SREBF1: variants seen among roughly 807,000 people sequenced by gnomAD.
SREBF1 encodes the protein sterol regulatory element-binding protein 1.
Under a neutral mutation model 100.1 loss-of-function variants are expected in SREBF1, and 45 were observed. The ratio of observed to expected loss-of-function variants is 0.45; its 90% confidence interval spans 0.35 to 0.58. SREBF1 has a LOEUF of 0.58. SREBF1 is among the 20% of genes least tolerant of loss of function. SREBF1 has a pLI of 0.00. For synonymous variants in SREBF1, 657 were observed against 681.8 expected, an observed-to-expected ratio of 0.96 and a Z score of 0.57; for missense variants, 1,324 against 1,539.4, an observed-to-expected ratio of 0.86 and a Z score of 2.34.
chr17:17,816,412 A>T, intron 10 of SREBF1, 39 bp from the exon 11 acceptor site: 1 of 1,599,884 alleles, frequency 6.3e-7, no homozygotes, highest in Non-Finnish European at 8.5e-7. Flanking sequence ...GGTGGAGCAC[A>T]GGCAGCAGGG....
chr17:17,815,518 G>C, intron 12 of SREBF1, 189 bp from the exon 13 acceptor site: 2 of 605,830 alleles, frequency 3.3e-6, no homozygotes, highest in Non-Finnish European at 5.9e-6. Context: ...CACCAGCCTT[G>C]GCCAGGAGAC....
In SREBF1 at chr17:17,815,882, C is replaced by G. The variant is rs150846293; in HGVS notation, c.2361G>C (p.Leu787=). Residue 787 remains leucine, a synonymous_variant, in exon 12 of 19, where the codon CTG becomes CTC. Transcript: ENST00000261646. ...CACCTGGGTTCCCGGCCAAGCTGTA[C>G]AGGCTCTCCCATGGGGTACTGAGCA... ...WSVLSTPWES[L]YSLAGNPVDP... is the part of the protein sequence containing the mutation. The G allele has an allele frequency of 1.1e-4, 175 of 1,612,884 alleles. No individual in the cohort carries two copies. In the African/African-American group the frequency reaches 2.1e-3, roughly 20 times the overall value.
Position 17,817,995 on chromosome 17 carries a change from T to A in SREBF1, c.1184-79A>T. On this transcript the variant is annotated intron_variant, in intron 6 of 18. Coordinates refer to ENST00000261646, the MANE Select transcript of SREBF1 (RefSeq NM_004176.5). This position sits in a 1 kb window ranked among gnomAD's most constrained non-coding sequence, Gnocchi z 6.6. ...ATCAGAGCCTAGGCCCTTGGAGGCC[T>A]AGGGACTACTGTAGCTCCTAAAGCT... The A allele has an allele frequency of 7.0e-7, 1 of 1,423,586 alleles. No homozygotes were observed. The highest frequency in any genetic ancestry group is 9.8e-7 in the Non-Finnish European group (1 of 1,020,700). 88.2% of individuals were successfully genotyped at this position (1,423,586 alleles called of 1,614,324 possible).
chr17:17,833,355 A>G (rs933360415), intron 1 of SREBF1, among the ~76,000 whole-genome samples: 1 of 136,342 alleles, frequency 7.3e-6, no homozygotes, highest in Non-Finnish European at 1.5e-5. Context: ...TGGGAGGCGG[A>G]GCTTGCAGTG....
Position 17,813,597 on chromosome 17 carries a change from G to A in SREBF1, c.3074C>T (p.Ala1025Val), listed in dbSNP as rs1195034213. 17 of 1,592,692 alleles carry A rather than the reference G, an allele frequency of 1.1e-5. No individual in the cohort carries two copies. The highest frequency in any genetic ancestry group is 1.4e-5 in the Non-Finnish European group (16 of 1,174,592). ...CCGCATGGCGGGCCGGAAGCTCTGT[G>A]CCAGCCGCCTCAGGCTGCTCAGGTC... ...QRDLSSLRRL[A>V]QSFRPAMRRV... Residue 1025 changes from alanine (A) to valine (V), a missense_variant, in exon 17 of 19, where the codon GCA (alanine) becomes GTA (valine). By Grantham distance (64) the Ala-to-Val change is moderately conservative (BLOSUM62 0). Coordinates refer to ENST00000261646, the MANE Select transcript of SREBF1 (RefSeq NM_004176.5).
intron 1 of SREBF1, among the ~76,000 whole-genome samples, chr17:17,823,053 T>C (rs2034212537): frequency 6.6e-6 from 1 of 152,168 alleles, no homozygotes; most frequent in Admixed American, 6.5e-5. Context: ...CTTCGATAGA[T>C]GGGGGAAACT....
chr17:17,812,632 G>C lies in SREBF1; in HGVS notation c.3434C>G (p.Thr1145Ser). 1 of 1,604,642 alleles carries C rather than the reference G, an allele frequency of 6.2e-7. No individual in the cohort carries two copies. The highest frequency in any genetic ancestry group is 1.1e-5 in the South Asian group (1 of 89,540). The change falls in exon 19 of 19, where the codon ACT becomes AGT. Residue 1145 changes from threonine to serine, a missense_variant. Thr to Ser is a moderately conservative substitution (Grantham distance 58, BLOSUM62 1). Coordinates refer to ENST00000261646, the MANE Select transcript of SREBF1 (RefSeq NM_004176.5). ...CCGGGGACACGGGGTCTAGCTGGAAGTGACAGTGGTCCCACCGCCCAGGCG... is the reference window on the plus strand; with the variant it reads ...CCGGGGACACGGGGTCTAGCTGGAACTGACAGTGGTCCCACCGCCCAGGCG... ...LMRLGGGTTV[T>S]SS
At chr17:17,821,788 G>A (rs1433465017) in intron 1 of SREBF1, among the ~76,000 whole-genome samples, 3 of 152,170 alleles carry the variant, frequency 2.0e-5, no homozygotes, top group Non-Finnish European at 4.4e-5. Flanking sequence ...CCAGATCAGA[G>A]CAGGGTCCTC....
chr17:17,813,843 C>T (rs1237836835), intron 16 of SREBF1, 74 bp from the exon 17 acceptor site: 2 of 1,435,434 alleles, frequency 1.4e-6, no homozygotes, highest in South Asian at 2.4e-5. Flanking sequence ...CCCGTGGTGC[C>T]AGGGGCCGGC....
At chr17:17,829,795 C>T (rs1022112061) in intron 1 of SREBF1, among the ~76,000 whole-genome samples, 1 of 152,136 alleles carries the variant, frequency 6.6e-6, no homozygotes, top group African/African-American at 2.4e-5. Context: ...GGACGACAGG[C>T]ACACTCCACC....
intron 13 of SREBF1, 30 bp downstream of exon 13, chr17:17,815,191 T>C (rs766298145): frequency 1.3e-6 from 2 of 1,597,218 alleles, no homozygotes; most frequent in South Asian, 1.1e-5. Flanking sequence ...CGGAGGGGCC[T>C]TGCCTGGAGG....
rs1415547528 is a variant in SREBF1, at chr17:17,813,440, C to T, written c.3142G>A (p.Ala1048Thr). 2 of 1,603,314 alleles carry T rather than the reference C, an allele frequency of 1.2e-6. No homozygotes were observed. The highest frequency in any genetic ancestry group is 1.7e-6 in the Non-Finnish European group (2 of 1,175,908). Residue 1048 changes from alanine (A) to threonine (T), a missense_variant, in exon 18 of 19, where the codon GCC becomes ACC. By Grantham distance (58) the Ala-to-Thr change is moderately conservative. Transcript: ENST00000261646. ...AGCTGGTGTGTCCGTGTGGGGCTGGCCCCCGCCATCAGCCGGGCCGTGGCC... is the reference window on the plus strand; with the variant it reads ...AGCTGGTGTGTCCGTGTGGGGCTGGTCCCCGCCATCAGCCGGGCCGTGGCC... Reference protein sequence around the residue: ...HEATARLMAGASPTRTHQLLD... With the variant: ...HEATARLMAGTSPTRTHQLLD...
rs35188700 is a variant in SREBF1 at position 17,819,156 on chromosome 17, C to T, written c.925G>A (p.Ala309Thr). The T allele has an allele frequency of 7.2e-4, 1,167 of 1,614,168 alleles. 9 individuals carry two copies. The African/African-American group carries it at 0.014, about 19-fold the overall frequency. ...DAEKLPINRL[A>T]AGSKAPASAQ... is the part of the protein sequence containing the mutation. ...GAGGCCGGGGCCTTGCTGCCAGCTG[C>T]GAGCCGGTTGATAGGCAGCTTCTCC... Residue 309 changes from alanine to threonine, a missense_variant, in exon 5 of 19, where the codon GCA becomes ACA. Coordinates refer to ENST00000261646, the MANE Select transcript of SREBF1 (RefSeq NM_004176.5).
At chr17:17,815,043 C>A in intron 13 of SREBF1, 99 bp from the exon 14 acceptor site, 1 of 1,288,974 alleles carries the variant, frequency 7.8e-7, no homozygotes, top group Non-Finnish European at 1.1e-6. Context: ...CCTGGCTCTG[C>A]AAAGTGCCAC....
chr17:17,823,686 C>T, intron 1 of SREBF1: 1 of 995,924 alleles, frequency 1.0e-6, no homozygotes. Context: ...CCCAGCCCCG[C>T]CCCAGCCCCG....
rs2033118846 is a variant in SREBF1, at chr17:17,813,153, G to C, written c.3214+215C>G. On this transcript the variant is annotated intron_variant, in intron 18 of 18. Coordinates refer to ENST00000261646, the MANE Select transcript of SREBF1 (RefSeq NM_004176.5). The stretch of plus-strand genomic sequence containing the variant: ...TTGGTCTTTTTTTTTTTTTGAGACA[G>C]GGACTCTCCCTGTCACTCAGGCTCA... 1.3e-5 allele frequency: 8 copies of C among 603,902 alleles called. No homozygotes were observed. In the South Asian group the frequency reaches 1.6e-4, roughly 12 times the overall value. 37.4% of individuals were successfully genotyped at this position (603,902 alleles called of 1,614,324 possible).
chr17:17,815,880 T>C lies in SREBF1; in HGVS notation c.2363A>G (p.Tyr788Cys). ...AGCACCTGGGTTCCCGGCCAAGCTG[T>C]ACAGGCTCTCCCATGGGGTACTGAG... ...SVLSTPWESL[Y>C]SLAGNPVDPL... The change falls in exon 12 of 19, where the codon TAC (tyrosine) becomes TGC (cysteine). Residue 788 changes from tyrosine to cysteine, a missense_variant. Transcript: ENST00000261646. The C allele has an allele frequency of 6.2e-7, 1 of 1,612,808 alleles. No individual in the cohort carries two copies. Among genetic ancestry groups the C allele is most frequent in the Non-Finnish European group, 8.5e-7 (1 of 1,179,866 alleles).
intron 1 of SREBF1, among the ~76,000 whole-genome samples, chr17:17,836,307 G>C (rs76959280): frequency 0.024 from 3,630 of 152,372 alleles, 157 homozygotes; most frequent in African/African-American, 0.083. Context: ...CTGAACTCTC[G>C]GGCCGGAGGG....
At chr17:17,836,618 C>A in intron 1 of SREBF1, 109 bp downstream of exon 1, 2 of 1,128,352 alleles carry the variant, frequency 1.8e-6, no homozygotes, top group South Asian at 1.4e-5. Context: ...CCCGCGCGAG[C>A]ACAGCACGGA....
Sources: allele counts gnomAD v4.1 joint callset (sites outside exome capture counted in the v4.1 genomes callset), GRCh38; gene constraint gnomAD v4.1.1; non-coding constraint Gnocchi (gnomAD v3.1); transcripts MANE v1.5; gene names NCBI Gene and HGNC (gene_info 2026-07-23, HGNC 2026-07-21).